The following HTR1F variants were observed in gnomAD, a reference collection of about 807,000 sequenced individuals.
The protein encoded by HTR1F is 5-hydroxytryptamine receptor 1F.
HTR1F carries 17 observed loss-of-function variants against 24.0 expected under a neutral mutation model. The ratio of observed to expected loss-of-function variants is 0.71; its 90% CI spans 0.48 to 1.06. HTR1F has a LOEUF of 1.06. Among genes scored for constraint, HTR1F ranks in the 50% least tolerant of loss-of-function variants. The probability of loss-of-function intolerance (pLI) is 0.00; values close to 1 mark genes in which losing one functional copy is unlikely to be tolerated. For missense variants in HTR1F, 391 were observed against 427.8 expected (o/e 0.91, Z 0.76); for synonymous variants, 186 against 156.8 (o/e 1.19, Z -1.39).
intron 2 of HTR1F, among the ~76,000 whole-genome samples, chr3:87,966,752 C>T (rs1354325): frequency 6.6e-6 from 1 of 152,148 alleles, no homozygotes; most frequent in South Asian, 2.1e-4. Context: ...TGGAAAATTT[C>T]TTAAGTACAT....
Position 87,845,496 on chromosome 3 carries a change from G to T in HTR1F, c.-43+23372G>T, listed in dbSNP as rs532659866. On this transcript the variant is annotated intron_variant, in intron 2 of 2. Transcript: ENST00000319595. ...CTCCCATTCACAATTGCTTCAAAGA[G>T]AATAAAATACCTAGGAATCCAACTT... 7.9e-3 allele frequency among the ~76,000 whole-genome samples: 1,182 copies of T among 148,754 alleles called. 36 individuals are homozygous for T. The highest frequency in any genetic ancestry group is 0.028 in the African/African-American group (1,122 of 39,662).
chr3:87,835,394 C>T (rs766509858), intron 2 of HTR1F, among the ~76,000 whole-genome samples: 5 of 150,282 alleles, frequency 3.3e-5, no homozygotes, highest in Non-Finnish European at 7.4e-5. Flanking sequence ...GAGCATTAAA[C>T]CCCAATCGGG....
rs183033915 is a variant in HTR1F at position 87,970,808 on chromosome 3, C to G, written c.-42-19900C>G. Among the ~76,000 whole-genome samples, 726 of 152,330 alleles carry G rather than the reference C, an allele frequency of 4.8e-3. 16 individuals carry two copies. The highest frequency in any genetic ancestry group is 2.6e-3 in the Non-Finnish European group (175 of 68,028). ...TCTTCAGCTCCCTAGTTACCATGTGCTTCCCCACAGCAAGATATATAATCC... is the reference window on the plus strand; with the variant it reads ...TCTTCAGCTCCCTAGTTACCATGTGGTTCCCCACAGCAAGATATATAATCC... On this transcript the variant is annotated intron_variant, in intron 2 of 2. Transcript: ENST00000319595.
intron 2 of HTR1F, among the ~76,000 whole-genome samples, chr3:87,877,743 T>C (rs765415484): frequency 1.3e-5 from 2 of 152,144 alleles, no homozygotes; most frequent in Admixed American, 6.6e-5. Context: ...TGCTGTACTA[T>C]ACTGTACATG....
intron 1 of HTR1F, among the ~76,000 whole-genome samples, chr3:87,798,343 C>A (rs1010915277): frequency 3.3e-5 from 5 of 152,202 alleles, no homozygotes; most frequent in Middle Eastern, 3.4e-3. Flanking sequence ...AGCTGACCAC[C>A]CTCTCTGCTC....
chr3:87,839,548 T>G (rs916238495), intron 2 of HTR1F, among the ~76,000 whole-genome samples: 2 of 152,114 alleles, frequency 1.3e-5, no homozygotes, highest in African/African-American at 4.8e-5. Context: ...GGGTCTTTTG[T>G]GATTGTAAGC....
At chr3:87,979,095 GGA>G (rs1705482231) in intron 2 of HTR1F, among the ~76,000 whole-genome samples, 1 of 21,258 alleles carries the variant, frequency 4.7e-5, no homozygotes, top group African/African-American at 1.1e-4. Context: ...AAGGAAGGAA[GGA>G]AGGAAGGAAG....
intron 2 of HTR1F, among the ~76,000 whole-genome samples, chr3:87,826,048 A>T (rs1257324886): frequency 6.6e-6 from 1 of 152,200 alleles, no homozygotes; most frequent in African/African-American, 2.4e-5. Flanking sequence ...ATTTGCTGTA[A>T]TGTATTGAAT....
chr3:87,948,175 T>C (rs1214809274), intron 2 of HTR1F, among the ~76,000 whole-genome samples: 1 of 152,172 alleles, frequency 6.6e-6, no homozygotes, highest in African/African-American at 2.4e-5. Flanking sequence ...AATCGTAAGT[T>C]TGACTATTTT....
rs1429497240 is a variant in HTR1F at position 87,987,083 on chromosome 3, G to A, written c.-42-3625G>A. On this transcript the variant is annotated intron_variant, in intron 2 of 2. Transcript: ENST00000319595. ...ATCATGCCACTGTACTCCAGCCTGGGGTACAGAGTGAGACTCTGTCTCAAA... is the reference window on the plus strand; with the variant it reads ...ATCATGCCACTGTACTCCAGCCTGGAGTACAGAGTGAGACTCTGTCTCAAA... 6.0e-5 allele frequency among the ~76,000 whole-genome samples: 9 copies of A among 151,090 alleles called. No individual in the cohort carries two copies. In the East Asian group the frequency reaches 1.6e-3, roughly 26 times the overall value.
At chr3:87,950,060 T>C (rs1178619807) in intron 2 of HTR1F, among the ~76,000 whole-genome samples, 1 of 152,156 alleles carries the variant, frequency 6.6e-6, no homozygotes, top group East Asian at 1.9e-4. Flanking sequence ...GGAACCAAAC[T>C]TGAGGCACAC....
intron 2 of HTR1F, among the ~76,000 whole-genome samples, chr3:87,956,597 T>C (rs1704948783): frequency 6.6e-6 from 1 of 151,386 alleles, no homozygotes; most frequent in Non-Finnish European, 1.5e-5. Flanking sequence ...ATTAACATTT[T>C]AATTATACTG....
At chr3:87,948,482 T>G (rs1234035233) in intron 2 of HTR1F, among the ~76,000 whole-genome samples, 1 of 152,112 alleles carries the variant, frequency 6.6e-6, no homozygotes, top group Non-Finnish European at 1.5e-5. Flanking sequence ...AATTCTTTTT[T>G]ATATGCTTTT....
intron 2 of HTR1F, among the ~76,000 whole-genome samples, chr3:87,965,319 C>A (rs533475547): frequency 1.0e-3 from 154 of 152,240 alleles, no homozygotes; most frequent in Middle Eastern, 3.4e-3. Flanking sequence ...GAGTAATATT[C>A]TACATTATGG....
intron 2 of HTR1F, among the ~76,000 whole-genome samples, chr3:87,885,695 G>C (rs1705923012): frequency 6.6e-6 from 1 of 152,144 alleles, no homozygotes; most frequent in African/African-American, 2.4e-5. Flanking sequence ...ACTACCATCA[G>C]AGAATACTAT....
At chr3:87,835,572 A>G (rs765327909) in intron 2 of HTR1F, among the ~76,000 whole-genome samples, 5 of 152,230 alleles carry the variant, frequency 3.3e-5, no homozygotes, top group Non-Finnish European at 7.3e-5. Context: ...GTCACAATAG[A>G]CCATGCATAT....
At chr3:87,879,875 T>G (rs1052557546) in intron 2 of HTR1F, among the ~76,000 whole-genome samples, 3 of 152,132 alleles carry the variant, frequency 2.0e-5, no homozygotes, top group African/African-American at 7.2e-5. Context: ...TATTTTTTTC[T>G]GTTATCTATT....
chr3:87,915,183 G>T (rs1224048767), intron 2 of HTR1F, among the ~76,000 whole-genome samples: 1 of 152,130 alleles, frequency 6.6e-6, no homozygotes, highest in Non-Finnish European at 1.5e-5. Context: ...CATACTGTGG[G>T]ACAAAAGAAT....
chr3:87,890,843 CTTT>C (rs5850816), intron 2 of HTR1F, among the ~76,000 whole-genome samples: 5 of 139,110 alleles, frequency 3.6e-5, no homozygotes, highest in Admixed American at 7.2e-5. Flanking sequence ...TCAATTATTT[CTTT>C]TTTTTTTTTT....
Sources: gnomAD v4.1 joint callset for allele counts (sites outside exome capture counted in the v4.1 genomes callset) on GRCh38, gnomAD v4.1.1 for gene constraint, MANE v1.5 for transcripts, NCBI Gene and HGNC (gene_info 2026-07-23, HGNC 2026-07-21) for gene names.